The following PCSK5 variants were observed in gnomAD, a reference collection of about 807,000 sequenced individuals.
The protein encoded by PCSK5 is prohormone convertase 5.
PCSK5 carries 129 observed loss-of-function variants against 233.2 expected under a neutral mutation model. The observed-to-expected ratio is 0.55, with a 90% CI of 0.48 to 0.64. PCSK5 has a LOEUF of 0.64. PCSK5 is among the 30% of genes least tolerant of loss of function. The probability of loss-of-function intolerance (pLI) is 0.00; values close to 1 mark genes in which losing one functional copy is unlikely to be tolerated. For synonymous variants in PCSK5, 825 were observed against 879.2 expected (o/e 0.94, Z 1.09); for missense variants, 2,076 against 2,430.1 (o/e 0.85, Z 3.06).
chr9:75,997,834 T>C (rs1336893660), intron 3 of PCSK5, among the ~76,000 whole-genome samples: 1 of 152,218 alleles, frequency 6.6e-6, no homozygotes, highest in African/African-American at 2.4e-5. Flanking sequence ...TGGTGTCTAT[T>C]CAAACATTTG....
chr9:76,021,195 T>TA (rs1828170363), intron 3 of PCSK5, among the ~76,000 whole-genome samples: 1 of 152,156 alleles, frequency 6.6e-6, no homozygotes, highest in Non-Finnish European at 1.5e-5. Flanking sequence ...AGGGCAGACT[T>TA]AGTTTATTGC....
In PCSK5 at chr9:75,900,294, C is replaced by T. The variant is rs143513639; in HGVS notation, c.192+8921C>T. ...GGGATATAATAACAAGAGTGATCCC[C>T]GCATACAATTGTTGTGAGGATGAGT... On this transcript the variant is annotated intron_variant, in intron 1 of 37. Transcript: ENST00000674117. Among the ~76,000 whole-genome samples the T allele has an allele frequency of 4.4e-3, 667 of 152,214 alleles. 4 individuals are homozygous for T. Among genetic ancestry groups the T allele is most frequent in the Non-Finnish European group, 7.4e-3 (504 of 68,024 alleles).
chr9:75,990,701 C>A (rs1007306607), intron 3 of PCSK5, among the ~76,000 whole-genome samples: 1 of 152,222 alleles, frequency 6.6e-6, no homozygotes, highest in Non-Finnish European at 1.5e-5. Context: ...GGACAAGCAA[C>A]TCCCTGCTAA....
At chr9:76,088,513 G>T (rs947070988) in intron 7 of PCSK5, among the ~76,000 whole-genome samples, 1 of 152,170 alleles carries the variant, frequency 6.6e-6, no homozygotes, top group African/African-American at 2.4e-5. Flanking sequence ...GAGAAACCTG[G>T]ATACTCTCTA....
Position 76,330,950 on chromosome 9 carries a change from T to C in PCSK5, c.4571-1483T>C, listed in dbSNP as rs149774635. Among the ~76,000 whole-genome samples, 511 of 152,234 alleles carry C rather than the reference T, an allele frequency of 3.4e-3. 4 individuals carry two copies. Among genetic ancestry groups the C allele is most frequent in the African/African-American group, 0.012 (490 of 41,542 alleles). On this transcript the variant is annotated intron_variant, in intron 33 of 37. Transcript: ENST00000674117. ...ATCTAGAGTGCCACCAGTAATCATC[T>C]CAGATGCCTTCATATAGAGAAGACA...
chr9:76,312,717 A>G (rs1434592186), intron 30 of PCSK5, among the ~76,000 whole-genome samples: 1 of 152,190 alleles, frequency 6.6e-6, no homozygotes, highest in Non-Finnish European at 1.5e-5. Context: ...TTTAGCACCA[A>G]CTAGGGGTAA....
intron 19 of PCSK5, 36 bp downstream of exon 19, chr9:76,189,259 A>G (rs1435114234): frequency 1.9e-6 from 3 of 1,583,542 alleles, no homozygotes; most frequent in Non-Finnish European, 2.6e-6. Flanking sequence ...TAGCATTTAG[A>G]CCTAAGTTCT....
chr9:76,299,705 T>C (rs1313642534), intron 27 of PCSK5, among the ~76,000 whole-genome samples: 1 of 151,856 alleles, frequency 6.6e-6, no homozygotes, highest in Admixed American at 6.6e-5. Context: ...AACAAAAATA[T>C]ATAATATTCG....
In PCSK5 at chr9:76,321,487, A is replaced by G. The variant is rs774567278; in HGVS notation, c.3950A>G (p.Asn1317Ser). Reference protein sequence around the residue: ...CSSPCRTCEGNATNCHSCEGG... With the variant: ...CSSPCRTCEGSATNCHSCEGG... ...TCTCCTTGCAGAACATGTGAAGGAA[A>G]CGCCACCAACTGCCATTCTTGTGAA... is the stretch of plus-strand genomic sequence containing the variant. Residue 1317 changes from asparagine to serine, a missense_variant, in exon 31 of 38, where the codon AAC becomes AGC. Asn to Ser is a conservative substitution (Grantham distance 46). Transcript: ENST00000674117. 1 of 1,612,480 alleles carries G rather than the reference A, an allele frequency of 6.2e-7. No homozygotes were observed. The highest frequency in any genetic ancestry group is 8.5e-7 in the Non-Finnish European group (1 of 1,179,528).
chr9:76,228,761 G>T (rs1485722261), intron 21 of PCSK5, among the ~76,000 whole-genome samples: 1 of 152,246 alleles, frequency 6.6e-6, no homozygotes, highest in Non-Finnish European at 1.5e-5. Context: ...TGATGAGGCT[G>T]CTCCAGTGGC....
At chr9:76,276,036 C>T (rs778886410) in intron 24 of PCSK5, among the ~76,000 whole-genome samples, 1 of 152,162 alleles carries the variant, frequency 6.6e-6, no homozygotes, top group Non-Finnish European at 1.5e-5. Context: ...CTCCTCTTCT[C>T]CCATCCATCC....
chr9:76,243,281 T>G (rs981504651), intron 24 of PCSK5, among the ~76,000 whole-genome samples: 1 of 152,176 alleles, frequency 6.6e-6, no homozygotes, highest in African/African-American at 2.4e-5. Flanking sequence ...CTCGCCTTGA[T>G]GGGGAGAATT....
chr9:76,251,850 T>G (rs980090628), intron 24 of PCSK5, among the ~76,000 whole-genome samples: 2 of 152,084 alleles, frequency 1.3e-5, no homozygotes, highest in African/African-American at 4.8e-5. Context: ...ACTAGTAGAA[T>G]CAGGACTTGA....
At chr9:75,921,744 A>G (rs912906006) in intron 1 of PCSK5, among the ~76,000 whole-genome samples, 3 of 152,236 alleles carry the variant, frequency 2.0e-5, no homozygotes, top group Non-Finnish European at 4.4e-5. Flanking sequence ...AAATGCTCTT[A>G]TCTGAGGACT....
chr9:76,232,398 T>C (rs1564124228), intron 21 of PCSK5, among the ~76,000 whole-genome samples: 1 of 152,198 alleles, frequency 6.6e-6, no homozygotes, highest in Non-Finnish European at 1.5e-5. Flanking sequence ...CTGTAAGAGA[T>C]GCCAATTTGA....
chr9:76,068,143 C>T (rs1031876267), intron 6 of PCSK5, 100 bp downstream of exon 6: 3 of 791,080 alleles, frequency 3.8e-6, no homozygotes, highest in African/African-American at 1.7e-5. Flanking sequence ...AACGATTGGG[C>T]ATATCTCTAC....
intron 24 of PCSK5, among the ~76,000 whole-genome samples, chr9:76,262,746 G>A (rs932944473): frequency 9.9e-5 from 15 of 150,930 alleles, no homozygotes; most frequent in Admixed American, 5.3e-4. Context: ...AACACCAAAA[G>A]CAATGGCAAC....
At chr9:76,272,802 A>AAAAAAAG (rs1827563063) in intron 24 of PCSK5, among the ~76,000 whole-genome samples, 1 of 141,282 alleles carries the variant, frequency 7.1e-6, no homozygotes, top group South Asian at 2.3e-4. Context: ...AAAAAAAAAA[A>AAAAAAAG]TTCACACTCC....
At chr9:75,988,399 T>C (rs1367382062) in intron 3 of PCSK5, among the ~76,000 whole-genome samples, 1 of 151,768 alleles carries the variant, frequency 6.6e-6, no homozygotes, top group Non-Finnish European at 1.5e-5. Context: ...CTCCCATCTC[T>C]GCCTCCCAAA....
Sources: gnomAD v4.1 joint callset for allele counts (sites outside exome capture counted in the v4.1 genomes callset) on GRCh38, gnomAD v4.1.1 for gene constraint, MANE v1.5 for transcripts, NCBI Gene and HGNC (gene_info 2026-07-23, HGNC 2026-07-21) for gene names.